DPYD: variants seen among roughly 807,000 people sequenced by gnomAD.
DPYD encodes dihydropyrimidine dehydrogenase.
In DPYD, 109 loss-of-function variants were observed where a neutral mutation model predicts 116.2. The observed-to-expected ratio is 0.94, with a 90% CI of 0.80 to 1.10. The LOEUF is 1.10. Among genes scored for constraint, DPYD ranks in the 50% least tolerant of loss-of-function variants. The probability of loss-of-function intolerance (pLI) is 0.00; values close to 1 mark genes in which losing one functional copy is unlikely to be tolerated. For missense variants in DPYD, 1,302 were observed against 1,254.5 expected (o/e 1.04, Z -0.57); for synonymous variants, 440 against 432.0 (o/e 1.02, Z -0.23).
intron 20 of DPYD, among the ~76,000 whole-genome samples, chr1:97,107,355 T>C (rs1473232233): frequency 6.6e-6 from 1 of 152,126 alleles, no homozygotes; most frequent in Non-Finnish European, 1.5e-5. Flanking sequence ...GCAATGTTGG[T>C]GGACAACCTG....
At chr1:97,918,471 A>G (rs1175681461) in intron 1 of DPYD, among the ~76,000 whole-genome samples, 1 of 152,218 alleles carries the variant, frequency 6.6e-6, no homozygotes, top group Non-Finnish European at 1.5e-5. Context: ...GCTAGGTCCT[A>G]TTACCAAGTA....
chr1:97,541,714 T>A (rs968034617), intron 12 of DPYD, among the ~76,000 whole-genome samples: 1 of 152,204 alleles, frequency 6.6e-6, no homozygotes, highest in African/African-American at 2.4e-5. Flanking sequence ...TTTAACTTTT[T>A]CTGATTAACC....
At chr1:97,872,043 G>A (rs1359996868) in intron 2 of DPYD, among the ~76,000 whole-genome samples, 1 of 151,768 alleles carries the variant, frequency 6.6e-6, no homozygotes, top group African/African-American at 2.4e-5. Flanking sequence ...ATTTACTCAA[G>A]GTCATACTCT....
chr1:97,335,512 T>A (rs1009698537), intron 16 of DPYD, among the ~76,000 whole-genome samples: 2 of 152,144 alleles, frequency 1.3e-5, no homozygotes, highest in African/African-American at 4.8e-5. Flanking sequence ...AGGTGGAATC[T>A]ATTTAGATAT....
intron 18 of DPYD, among the ~76,000 whole-genome samples, chr1:97,277,576 C>T (rs1298361525): frequency 6.6e-6 from 1 of 152,076 alleles, no homozygotes; most frequent in Non-Finnish European, 1.5e-5. Context: ...ATTCCCTTTC[C>T]TCTTGTATCA....
chr1:97,089,544 G>A (rs975891174), intron 21 of DPYD, among the ~76,000 whole-genome samples: 1 of 152,252 alleles, frequency 6.6e-6, no homozygotes, highest in African/African-American at 2.4e-5. Context: ...CTCATTGCAG[G>A]AGGCCAGGTT....
intron 4 of DPYD, among the ~76,000 whole-genome samples, chr1:97,736,051 T>C (rs1663923731): frequency 6.6e-6 from 1 of 151,954 alleles, no homozygotes; most frequent in South Asian, 2.1e-4. Context: ...CCCAACATGA[T>C]GAAAGAAATC....
chr1:97,178,587 A>C (rs986157956), intron 20 of DPYD, among the ~76,000 whole-genome samples: 4 of 152,038 alleles, frequency 2.6e-5, no homozygotes, highest in African/African-American at 9.7e-5. Context: ...ACCAGGTTCC[A>C]CCCTTGACAC....
At chr1:97,144,291 T>C (rs372964401) in intron 20 of DPYD, among the ~76,000 whole-genome samples, 1 of 152,164 alleles carries the variant, frequency 6.6e-6, no homozygotes, top group Non-Finnish European at 1.5e-5. Context: ...TATTAATTGG[T>C]GTATGAAGCA....
chr1:97,549,360 G>A lies in DPYD; in HGVS notation c.1524+200C>T, dbSNP rs112387248. ...ATTATAGGCATTAGGTGGCATGCCCGCCTGGCCCAATTTTTAATCAACTCA... is the reference window on the plus strand; with the variant it reads ...ATTATAGGCATTAGGTGGCATGCCCACCTGGCCCAATTTTTAATCAACTCA... On this transcript the variant is annotated intron_variant, in intron 12 of 22. Coordinates refer to ENST00000370192, the MANE Select transcript of DPYD (RefSeq NM_000110.4). Among the ~76,000 whole-genome samples, 2,119 of 152,118 alleles carry A rather than the reference G, an allele frequency of 0.014. 53 individuals are homozygous for A. The highest frequency in any genetic ancestry group is 0.048 in the African/African-American group (1,988 of 41,516).
intron 5 of DPYD, chr1:97,700,079 C>A: frequency 2.8e-6 from 1 of 356,774 alleles, no homozygotes; most frequent in Non-Finnish European, 5.5e-6. Flanking sequence ...TTGAAACATT[C>A]AAGAACTACT....
intron 20 of DPYD, among the ~76,000 whole-genome samples, chr1:97,163,422 G>C (rs1367838776): frequency 6.6e-6 from 1 of 152,154 alleles, no homozygotes; most frequent in Non-Finnish European, 1.5e-5. Context: ...TCAACACATA[G>C]TTTCCTGTGA....
chr1:97,494,811 G>C (rs1679174184), intron 13 of DPYD, among the ~76,000 whole-genome samples: 1 of 151,372 alleles, frequency 6.6e-6, no homozygotes, highest in Non-Finnish European at 1.5e-5. Flanking sequence ...TAAGATAAAA[G>C]AAAGCTTCCA....
chr1:97,209,161 C>A lies in DPYD; in HGVS notation c.2443-15913G>T, dbSNP rs1659874797. On this transcript the variant is annotated intron_variant, in intron 19 of 22. Transcript: ENST00000370192. ...AGAGTATAAACCAGAATCATATTAC[C>A]ACCGCCTACCCATAAATCAATATAC... 1.3e-5 allele frequency among the ~76,000 whole-genome samples: 2 copies of A among 151,998 alleles called. 1 individual carries two copies. The highest frequency in any genetic ancestry group is 4.1e-4 in the South Asian group (2 of 4,820).
At chr1:97,325,066 C>T (rs1400642680) in intron 16 of DPYD, among the ~76,000 whole-genome samples, 3 of 152,006 alleles carry the variant, frequency 2.0e-5, no homozygotes, top group Non-Finnish European at 1.5e-5. Flanking sequence ...GGAAAAAAAT[C>T]TTTAAAGTGC....
intron 14 of DPYD, among the ~76,000 whole-genome samples, chr1:97,415,667 T>C (rs1417321899): frequency 6.6e-6 from 1 of 152,210 alleles, no homozygotes; most frequent in South Asian, 2.1e-4. Flanking sequence ...GAGTTGTCCA[T>C]ATTTGAATGA....
intron 18 of DPYD, among the ~76,000 whole-genome samples, chr1:97,291,336 G>A (rs1666154895): frequency 1.3e-5 from 2 of 151,762 alleles, no homozygotes; most frequent in African/African-American, 4.8e-5. Flanking sequence ...CCCATTACTG[G>A]GTATATACCC....
intron 20 of DPYD, among the ~76,000 whole-genome samples, chr1:97,156,873 T>G: frequency 6.6e-6 from 1 of 151,826 alleles, no homozygotes; most frequent in Non-Finnish European, 1.5e-5. Flanking sequence ...AACCCAAATG[T>G]CCAACAATGA....
intron 3 of DPYD, among the ~76,000 whole-genome samples, chr1:97,794,441 A>G (rs1667470349): frequency 6.6e-6 from 1 of 152,226 alleles, no homozygotes; most frequent in Non-Finnish European, 1.5e-5. Context: ...GGCATAAAAC[A>G]CATGAAAAGA....
Sources: allele counts gnomAD v4.1 joint callset (sites outside exome capture counted in the v4.1 genomes callset), GRCh38; gene constraint gnomAD v4.1.1; transcripts MANE v1.5; gene names NCBI Gene and HGNC (gene_info 2026-07-23, HGNC 2026-07-21).